The following SORCS3 variants were observed in gnomAD, a reference collection of about 807,000 sequenced individuals.
SORCS3 encodes the protein sortilin related VPS10 domain containing receptor 3, also known as VPS10 domain-containing receptor SorCS3.
Under a neutral mutation model 146.3 loss-of-function variants are expected in SORCS3, and 57 were observed. The observed-to-expected ratio is 0.39, with a 90% CI of 0.31 to 0.49. The LOEUF (loss-of-function observed/expected upper bound fraction) is 0.49. SORCS3 is among the 20% of genes least tolerant of loss of function. SORCS3 has a pLI of 0.92. For synonymous variants in SORCS3, 653 were observed against 618.5 expected (o/e 1.06, Z -0.83); for missense variants, 1,341 against 1,575.5 (o/e 0.85, Z 2.52).
chr10:105,210,283 A>T (rs2056625943), intron 16 of SORCS3, among the ~76,000 whole-genome samples: 4 of 152,206 alleles, frequency 2.6e-5, no homozygotes, highest in Admixed American at 2.6e-4. Context: ...TTATATGTTC[A>T]GTTTATTTTG....
chr10:105,026,596 A>G (rs1268737478), intron 4 of SORCS3, among the ~76,000 whole-genome samples: 6 of 152,212 alleles, frequency 3.9e-5, no homozygotes, highest in Admixed American at 3.3e-4. Flanking sequence ...TCAACTGTGG[A>G]CTGGATAAAG....
chr10:105,041,611 A>C (rs1564740862), intron 4 of SORCS3, among the ~76,000 whole-genome samples: 1 of 152,044 alleles, frequency 6.6e-6, no homozygotes, highest in African/African-American at 2.4e-5. Context: ...TGCTGAATTA[A>C]ATTGAAATGA....
At chr10:104,910,420 A>C (rs1181259615) in intron 2 of SORCS3, among the ~76,000 whole-genome samples, 1 of 152,212 alleles carries the variant, frequency 6.6e-6, no homozygotes, top group Non-Finnish European at 1.5e-5. Context: ...TATAATAGCA[A>C]ATTAAAAAAA....
intron 5 of SORCS3, among the ~76,000 whole-genome samples, chr10:105,083,408 T>C (rs554157979): frequency 3.3e-5 from 5 of 152,246 alleles, no homozygotes; most frequent in African/African-American, 1.2e-4. Flanking sequence ...TGGCCTAAAT[T>C]TGGTCCTAGA....
At chr10:104,964,112 C>T (rs1258404341) in intron 3 of SORCS3, among the ~76,000 whole-genome samples, 3 of 152,120 alleles carry the variant, frequency 2.0e-5, no homozygotes, top group Non-Finnish European at 4.4e-5. Context: ...CTCTATTCGA[C>T]ATGGTAGCCA....
chr10:104,854,630 T>A (rs2133555631), intron 2 of SORCS3, among the ~76,000 whole-genome samples: 1 of 152,244 alleles, frequency 6.6e-6, no homozygotes, highest in Middle Eastern at 3.4e-3. Context: ...GGTTTGTCTA[T>A]CTGCCCTCAT....
chr10:105,040,640 A>G (rs2133702652), intron 4 of SORCS3, among the ~76,000 whole-genome samples: 1 of 152,258 alleles, frequency 6.6e-6, no homozygotes, highest in East Asian at 1.9e-4. Context: ...TTTGCTTCCT[A>G]AACAATTGAA....
intron 1 of SORCS3, among the ~76,000 whole-genome samples, chr10:104,650,451 T>TG (rs544829031): frequency 1.2e-3 from 189 of 151,716 alleles, no homozygotes; most frequent in East Asian, 3.9e-3. Context: ...TTTTCAATCC[T>TG]GGGGGGGGCT....
At chr10:104,927,672 A>T (rs181774623) in intron 3 of SORCS3, among the ~76,000 whole-genome samples, 2,517 of 152,282 alleles carry the variant, frequency 0.017, 30 homozygotes, top group Admixed American at 0.033. Context: ...TGAGGTCAGG[A>T]GTTCAAGACT....
At chr10:105,048,887 T>G (rs964623553) in intron 5 of SORCS3, among the ~76,000 whole-genome samples, 1 of 152,138 alleles carries the variant, frequency 6.6e-6, no homozygotes, top group Non-Finnish European at 1.5e-5. Flanking sequence ...TCCTTACAAT[T>G]TTTGTGTCAT....
intron 7 of SORCS3, among the ~76,000 whole-genome samples, chr10:105,131,828 G>A (rs185604880): frequency 1.3e-5 from 2 of 152,100 alleles, no homozygotes; most frequent in Admixed American, 6.6e-5. Context: ...CAGATATCAC[G>A]AGAACTCACT....
rs142323190 is a variant in SORCS3, at chr10:104,656,315, C to A, written c.627+14361C>A. Among the ~76,000 whole-genome samples, 583 of 152,200 alleles carry A rather than the reference C, an allele frequency of 3.8e-3. 3 individuals are homozygous for A. Among genetic ancestry groups the A allele is most frequent in the African/African-American group, 0.013 (560 of 41,496 alleles). On this transcript the variant is annotated intron_variant, in intron 1 of 26. Transcript: ENST00000369701. ...TGGTGAGAGATGAGATGAAGCTAGA[C>A]AGGCAGGCATGGGCAGGACTAAGCA...
At chr10:104,896,737 A>T (rs2018802636) in intron 2 of SORCS3, among the ~76,000 whole-genome samples, 1 of 152,262 alleles carries the variant, frequency 6.6e-6, no homozygotes, top group Non-Finnish European at 1.5e-5. Flanking sequence ...AATACCTTAG[A>T]AATAAGGTGA....
At chr10:105,257,053 A>G (rs1193556570) in intron 25 of SORCS3, 129 bp downstream of exon 25, 8 of 714,592 alleles carry the variant, frequency 1.1e-5, no homozygotes, top group Non-Finnish European at 2.0e-5. Context: ...CTGTTTGACA[A>G]TGGGTAAAAG....
At chr10:105,187,571 T>G (rs1171343358) in intron 14 of SORCS3, among the ~76,000 whole-genome samples, 2 of 152,218 alleles carry the variant, frequency 1.3e-5, no homozygotes, top group African/African-American at 2.4e-5. Context: ...ATTTGAAATC[T>G]GTCCTCAGCA....
At chr10:104,648,163 C>T (rs2015516829) in intron 1 of SORCS3, among the ~76,000 whole-genome samples, 1 of 152,152 alleles carries the variant, frequency 6.6e-6, no homozygotes, top group Admixed American at 6.5e-5. Flanking sequence ...AAGAGAGGAT[C>T]CCTGTGGGAC....
At chr10:105,208,427 AAATT>A in intron 16 of SORCS3, among the ~76,000 whole-genome samples, 1 of 151,780 alleles carries the variant, frequency 6.6e-6, no homozygotes, top group Middle Eastern at 3.5e-3. Context: ...GGGAACTAAC[AAATT>A]AATACTCCCT....
intron 7 of SORCS3, among the ~76,000 whole-genome samples, chr10:105,135,996 G>A (rs1444908823): frequency 6.6e-6 from 1 of 152,104 alleles, no homozygotes; most frequent in Non-Finnish European, 1.5e-5. Context: ...ATGCAATATA[G>A]GGTTTTTTTT....
intron 22 of SORCS3, among the ~76,000 whole-genome samples, chr10:105,251,486 G>C (rs1178386398): frequency 6.6e-6 from 1 of 152,152 alleles, no homozygotes; most frequent in Non-Finnish European, 1.5e-5. Flanking sequence ...GTGTCACGGT[G>C]GACATGGTCT....
Sources: allele counts gnomAD v4.1 joint callset (sites outside exome capture counted in the v4.1 genomes callset), GRCh38; gene constraint gnomAD v4.1.1; transcripts MANE v1.5; gene names NCBI Gene and HGNC (gene_info 2026-07-23, HGNC 2026-07-21).